TGM5: variants seen among roughly 807,000 people sequenced by gnomAD.
TGM5 encodes transglutaminase 5, also known as protein-glutamine gamma-glutamyltransferase 5.
TGM5 carries 69 observed loss-of-function variants against 77.2 expected under a neutral mutation model. The ratio of observed to expected loss-of-function variants is 0.89; its 90% CI spans 0.74 to 1.09. The LOEUF is 1.09. TGM5 is among the 50% of genes least tolerant of loss of function. The pLI is 0.00. For synonymous variants in TGM5, 346 were observed against 351.8 expected, an observed-to-expected ratio of 0.98 and a Z score of 0.18; for missense variants, 842 against 896.5, an observed-to-expected ratio of 0.94 and a Z score of 0.78.
In TGM5 at chr15:43,239,160, C is replaced by T. The variant is rs1193021244; in HGVS notation, c.1105+3G>A. On this transcript the variant is annotated splice_donor_region_variant and intron_variant, in intron 8 of 12. Coordinates refer to ENST00000220420, the MANE Select transcript of TGM5 (RefSeq NM_201631.4). The stretch of plus-strand genomic sequence containing the variant: ...GGCCTGCCTTTCTTCTGGAGAGCCT[C>T]ACCGTTGCTCATCTCCTGAGGTGTG... 2 of 1,614,162 alleles carry T rather than the reference C, an allele frequency of 1.2e-6. No homozygotes were observed. Among genetic ancestry groups the T allele is most frequent in the Non-Finnish European group, 8.5e-7 (1 of 1,180,028 alleles).
At chr15:43,240,726 G>C in intron 7 of TGM5, 126 bp downstream of exon 7, 2 of 1,206,326 alleles carry the variant, frequency 1.7e-6, no homozygotes, top group Non-Finnish European at 2.3e-6. Flanking sequence ...GTGGGGGAGG[G>C]TGAGGGGGTG....
chr15:43,253,371 A>G lies in TGM5; in HGVS notation c.684+135T>C, dbSNP rs539866303. 17 of 1,275,796 alleles carry G rather than the reference A, an allele frequency of 1.3e-5. No individual in the cohort carries two copies. In the East Asian group the frequency reaches 2.7e-4, roughly 21 times the overall value. 79.0% of individuals were successfully genotyped at this position (1,275,796 alleles called of 1,614,324 possible). A position where few individuals can be genotyped will look rare whatever the true frequency, so the allele number is the denominator to read the frequency against. On this transcript the variant is annotated intron_variant, in intron 5 of 12. Coordinates refer to ENST00000220420, the MANE Select transcript of TGM5 (RefSeq NM_201631.4). Reference sequence around the variant, plus strand: ...GCTCGGCTGAGAAAACTTGTCACCCACATTCTGGCGTCAGTCTCATCCAAG... The same window carrying G: ...GCTCGGCTGAGAAAACTTGTCACCCGCATTCTGGCGTCAGTCTCATCCAAG...
At chr15:43,253,463 G>T in intron 5 of TGM5, 43 bp downstream of exon 5, 1 of 1,604,902 alleles carries the variant, frequency 6.2e-7, no homozygotes. Context: ...CAGGGCTCCC[G>T]CTGCACAGCT....
At position 43,232,977 on chromosome 15, in the gene TGM5, T is replaced by C. The variant is rs138713549; in HGVS notation, c.*214A>G. 2.4e-4 allele frequency: 149 copies of C among 608,918 alleles called. No individual in the cohort carries two copies. Among genetic ancestry groups the C allele is most frequent in the African/African-American group, 2.4e-3 (130 of 54,130 alleles). 37.7% of individuals were successfully genotyped at this position (608,918 alleles called of 1,614,324 possible). ...CATATGCCAGAAATGGTTCTGAGTA[T>C]AGGGGTAGTAAACAAAGCAAAGTCT... On this transcript the variant is annotated 3_prime_UTR_variant, in exon 13 of 13. Transcript: ENST00000220420.
chr15:43,246,658 T>TA (rs1282563676), intron 6 of TGM5, among the ~76,000 whole-genome samples: 3 of 152,134 alleles, frequency 2.0e-5, no homozygotes, highest in African/African-American at 7.2e-5. Context: ...GAAGCTAAGA[T>TA]GGCTCAAATT....
intron 3 of TGM5, among the ~76,000 whole-genome samples, chr15:43,259,612 G>A (rs2042769927): frequency 6.6e-6 from 1 of 152,140 alleles, no homozygotes; most frequent in African/African-American, 2.4e-5. Flanking sequence ...GAATCTGAAA[G>A]AATAGAACTG....
chr15:43,255,270 G>T (rs1054439371), intron 4 of TGM5, among the ~76,000 whole-genome samples: 1 of 152,104 alleles, frequency 6.6e-6, no homozygotes, highest in Non-Finnish European at 1.5e-5. Context: ...GGAGGTCAAG[G>T]CTGCAATGAG....
chr15:43,261,084 T>TTTTTG (rs2042785309), intron 1 of TGM5, among the ~76,000 whole-genome samples: 3 of 95,238 alleles, frequency 3.1e-5, no homozygotes, highest in Non-Finnish European at 4.3e-5. Context: ...GTGTTTTTTT[T>TTTTTG]TTTTTTTTTT....
intron 1 of TGM5, among the ~76,000 whole-genome samples, chr15:43,263,289 A>G (rs2042802520): frequency 6.6e-6 from 1 of 152,256 alleles, no homozygotes; most frequent in Admixed American, 6.5e-5. Context: ...TGCAGATTCA[A>G]CACAATCCCT....
chr15:43,265,494 TC>T (rs754976093), intron 1 of TGM5, among the ~76,000 whole-genome samples: 5 of 152,166 alleles, frequency 3.3e-5, no homozygotes, highest in Non-Finnish European at 5.9e-5. Context: ...CAAAATTCCA[TC>T]CTCTAGAGAC....
chr15:43,256,144 T>C (rs1007298689), intron 4 of TGM5, among the ~76,000 whole-genome samples: 2 of 152,210 alleles, frequency 1.3e-5, no homozygotes, highest in African/African-American at 4.8e-5. Flanking sequence ...CAAGTTGTCC[T>C]TGGTGTGACA....
At chr15:43,234,244 G>A (rs946613822) in intron 11 of TGM5, among the ~76,000 whole-genome samples, 1 of 152,172 alleles carries the variant, frequency 6.6e-6, no homozygotes, top group African/African-American at 2.4e-5. Flanking sequence ...TTGACTTTGG[G>A]GAGACAGCAC....
intron 9 of TGM5, among the ~76,000 whole-genome samples, chr15:43,237,412 ACT>A (rs1165669638): frequency 6.6e-6 from 1 of 152,098 alleles, no homozygotes; most frequent in Non-Finnish European, 1.5e-5. Flanking sequence ...AGCCCCTGTG[ACT>A]CTCTGGTGTG....
At chr15:43,255,523 G>A (rs1054045011) in intron 4 of TGM5, among the ~76,000 whole-genome samples, 4 of 152,144 alleles carry the variant, frequency 2.6e-5, no homozygotes, top group African/African-American at 7.2e-5. Context: ...AGTTGAGGCC[G>A]CTATATCTCA....
At chr15:43,262,738 C>T (rs940163809) in intron 1 of TGM5, among the ~76,000 whole-genome samples, 1 of 152,138 alleles carries the variant, frequency 6.6e-6, no homozygotes, top group East Asian at 1.9e-4. Flanking sequence ...GAGCCAAGAT[C>T]GCACCACTGC....
At chr15:43,255,018 A>C (rs555919080) in intron 4 of TGM5, among the ~76,000 whole-genome samples, 9 of 152,182 alleles carry the variant, frequency 5.9e-5, no homozygotes, top group African/African-American at 2.2e-4. Context: ...GCAGGCGATC[A>C]ATATATATTT....
At chr15:43,241,621 T>A (rs775011880) in intron 6 of TGM5, among the ~76,000 whole-genome samples, 1 of 152,176 alleles carries the variant, frequency 6.6e-6, no homozygotes, top group African/African-American at 2.4e-5. Flanking sequence ...CCATGCATTC[T>A]GTTTGCCAGC....
chr15:43,251,843 G>A (rs1478967299), intron 6 of TGM5, among the ~76,000 whole-genome samples: 1 of 152,096 alleles, frequency 6.6e-6, no homozygotes, highest in Non-Finnish European at 1.5e-5. Flanking sequence ...TTCCACATAT[G>A]TATTTTTTAG....
At chr15:43,265,096 T>C (rs2042815711) in intron 1 of TGM5, among the ~76,000 whole-genome samples, 1 of 152,260 alleles carries the variant, frequency 6.6e-6, no homozygotes, top group Non-Finnish European at 1.5e-5. Flanking sequence ...CCAGGTACGC[T>C]AGGACAGTTA....
Sources: gnomAD v4.1 joint callset for allele counts (sites outside exome capture counted in the v4.1 genomes callset) on GRCh38, gnomAD v4.1.1 for gene constraint, MANE v1.5 for transcripts, NCBI Gene and HGNC (gene_info 2026-07-23, HGNC 2026-07-21) for gene names.